ADAMTS20: variants seen among roughly 807,000 people sequenced by gnomAD.
ADAMTS20 encodes ADAM metallopeptidase with thrombospondin type 1 motif 20.
ADAMTS20 carries 225 observed loss-of-function variants against 260.1 expected under a neutral mutation model. The ratio of observed to expected loss-of-function variants is 0.87; its 90% CI spans 0.78 to 0.97. The LOEUF is 0.97. Among genes scored for constraint, ADAMTS20 ranks in the 50% least tolerant of loss-of-function variants. ADAMTS20 has a pLI of 0.00. For missense variants in ADAMTS20, 2,400 were observed against 2,337.7 expected (o/e 1.03, Z -0.55); for synonymous variants, 802 against 769.5 (o/e 1.04, Z -0.70).
chr12:43,353,351 C>T (rs1939673744), downstream of ADAMTS20, among the ~76,000 whole-genome samples: 1 of 151,780 alleles, frequency 6.6e-6, no homozygotes, highest in Non-Finnish European at 1.5e-5. Context: ...AGAATTCTCA[C>T]ATATTTAATT....
At chr12:43,433,179 G>A (rs1396659281) in intron 19 of ADAMTS20, among the ~76,000 whole-genome samples, 1 of 152,160 alleles carries the variant, frequency 6.6e-6, no homozygotes, top group African/African-American at 2.4e-5. Flanking sequence ...TATGACCAGG[G>A]AACGTCTAGG....
chr12:43,483,965 T>A (rs932098771), intron 7 of ADAMTS20, among the ~76,000 whole-genome samples: 1 of 152,120 alleles, frequency 6.6e-6, no homozygotes, highest in Admixed American at 6.5e-5. Flanking sequence ...CCTCTTCCAT[T>A]CCAGCCACAC....
At chr12:43,431,557 C>A in intron 21 of ADAMTS20, 61 bp from the exon 22 acceptor site, 1 of 1,557,770 alleles carries the variant, frequency 6.4e-7, no homozygotes, top group South Asian at 1.1e-5. Flanking sequence ...ATGCCTTAAA[C>A]TGATGCAATG....
chr12:43,397,199 G>A (rs1940721906), intron 29 of ADAMTS20, among the ~76,000 whole-genome samples: 2 of 152,132 alleles, frequency 1.3e-5, no homozygotes, highest in South Asian at 2.1e-4. Flanking sequence ...GAAGTATTTA[G>A]CTTAGATACA....
At chr12:43,366,191 C>T (rs1455999213) in intron 37 of ADAMTS20, among the ~76,000 whole-genome samples, 1 of 151,512 alleles carries the variant, frequency 6.6e-6, no homozygotes, top group Admixed American at 6.6e-5. Context: ...AGTGGCCACA[C>T]TAGTATCAGA....
chr12:43,422,059 G>C (rs971478445), intron 28 of ADAMTS20, among the ~76,000 whole-genome samples: 1 of 151,856 alleles, frequency 6.6e-6, no homozygotes, highest in South Asian at 2.1e-4. Context: ...ACTAATAAAC[G>C]GGTTAAAATA....
chr12:43,540,273 G>A (rs1212140805), intron 2 of ADAMTS20, among the ~76,000 whole-genome samples: 3 of 152,146 alleles, frequency 2.0e-5, no homozygotes, highest in Non-Finnish European at 4.4e-5. Context: ...GTGTTCCCAT[G>A]TAAGAAGAAA....
intron 4 of ADAMTS20, among the ~76,000 whole-genome samples, chr12:43,501,460 T>TGC (rs1174785206): frequency 2.6e-4 from 24 of 92,150 alleles, no homozygotes; most frequent in East Asian, 1.8e-3. Flanking sequence ...TGGAGGGGGA[T>TGC]ACGCGCGCGC....
Position 43,356,448 on chromosome 12 carries a change from T to C in ADAMTS20, c.5643+36A>G, listed in dbSNP as rs1939744347. ...TTAATGCTAGTTCATAGCTCAGAAG[T>C]ATTTCAAACAGGCTTTTTGGTCCCG... On this transcript the variant is annotated intron_variant, in intron 38 of 38. Transcript: ENST00000389420. The C allele has an allele frequency of 2.2e-6, 3 of 1,370,054 alleles. No homozygotes were observed. In the African/African-American group the frequency reaches 4.3e-5, roughly 20 times the overall value. The allele number at this position is 1,370,054 out of a possible 1,614,324, so 84.9% of individuals were successfully genotyped here. A position where few individuals can be genotyped will look rare whatever the true frequency, so the allele number is the denominator to read the frequency against.
Position 43,361,058 on chromosome 12 carries a change from T to C in ADAMTS20, c.5539-4470A>G, listed in dbSNP as rs76298705. 5.9e-4 allele frequency among the ~76,000 whole-genome samples: 90 copies of C among 152,384 alleles called. 1 individual carries two copies. The highest frequency in any genetic ancestry group is 2.1e-3 in the African/African-American group (89 of 41,588). On this transcript the variant is annotated intron_variant, in intron 37 of 38. Coordinates refer to ENST00000389420, the MANE Select transcript of ADAMTS20 (RefSeq NM_025003.5). Reference sequence around the variant, plus strand: ...TACTTTACTTTCGACATATGCATTCTAAAGTCACACCACACTCCTTAACTT... The same window carrying C: ...TACTTTACTTTCGACATATGCATTCCAAAGTCACACCACACTCCTTAACTT...
chr12:43,541,737 T>G (rs1196853898), intron 2 of ADAMTS20, among the ~76,000 whole-genome samples: 1 of 151,974 alleles, frequency 6.6e-6, no homozygotes, highest in Non-Finnish European at 1.5e-5. Context: ...TCCAGATGCA[T>G]AAAACAGAAA....
In ADAMTS20 at chr12:43,377,485, C is replaced by T; in HGVS notation, c.4875G>A (p.Lys1625=). ...CTEIPSTKKH[K]LHRLRPIVYQ... ...AAACTATAGGCCGAAGTCGATGGAGCTTATGTTTCTTAGTAGATGGGATCT... is the reference window on the plus strand; with the variant it reads ...AAACTATAGGCCGAAGTCGATGGAGTTTATGTTTCTTAGTAGATGGGATCT... Residue 1625 remains lysine (K), a synonymous_variant, in exon 32 of 39, where the codon AAG becomes AAA. Transcript: ENST00000389420. 1 of 1,613,616 alleles carries T rather than the reference C, an allele frequency of 6.2e-7. No homozygotes were observed. The highest frequency in any genetic ancestry group is 2.2e-5 in the East Asian group (1 of 44,874).
chr12:43,424,807 G>A (rs1443730217), intron 28 of ADAMTS20, among the ~76,000 whole-genome samples: 1 of 151,632 alleles, frequency 6.6e-6, no homozygotes, highest in Non-Finnish European at 1.5e-5. Flanking sequence ...ATGGTTCAAA[G>A]TTCACATATT....
chr12:43,453,542 T>C (rs2137354935), intron 12 of ADAMTS20, among the ~76,000 whole-genome samples: 1 of 152,066 alleles, frequency 6.6e-6, no homozygotes, highest in East Asian at 1.9e-4. Context: ...ATATATGTTA[T>C]CCAGAAGATC....
intron 28 of ADAMTS20, among the ~76,000 whole-genome samples, chr12:43,409,560 C>CCT (rs1565684886): frequency 8.1e-6 from 1 of 123,776 alleles, no homozygotes; most frequent in East Asian, 2.3e-4. Context: ...CGAGATCCCG[C>CCT]CACTGCACTC....
intron 7 of ADAMTS20, among the ~76,000 whole-genome samples, chr12:43,486,065 T>A (rs1478419964): frequency 6.6e-6 from 1 of 151,988 alleles, no homozygotes; most frequent in Non-Finnish European, 1.5e-5. Context: ...TTTCAAAGAA[T>A]TATAAAACAA....
chr12:43,411,867 A>ACTATGTAAAAATAACTATGTAAAATTT (rs1941038816), intron 28 of ADAMTS20, among the ~76,000 whole-genome samples: 5 of 152,294 alleles, frequency 3.3e-5, no homozygotes, highest in Middle Eastern at 3.4e-3. Context: ...AAATTTTCAG[A>ACTATGTAAAAATAACTATGTAAAATTT]GCCTCAGAGT....
chr12:43,512,836 G>T (rs778163484), intron 3 of ADAMTS20, among the ~76,000 whole-genome samples: 1 of 152,130 alleles, frequency 6.6e-6, no homozygotes, highest in African/African-American at 2.4e-5. Context: ...TATGAATTCA[G>T]ATTTCTCAGT....
intron 4 of ADAMTS20, among the ~76,000 whole-genome samples, chr12:43,500,034 CT>C (rs10706892): frequency 0.68 from 99,743 of 147,522 alleles, 33,678 homozygotes; most frequent in East Asian, 0.91. Flanking sequence ...TTCCTTATTG[CT>C]TTTTTTTTTT....
Sources: allele counts gnomAD v4.1 joint callset (sites outside exome capture counted in the v4.1 genomes callset), GRCh38; gene constraint gnomAD v4.1.1; transcripts MANE v1.5; gene names NCBI Gene and HGNC (gene_info 2026-07-23, HGNC 2026-07-21).